The following RGS12 variants were observed in gnomAD, a reference collection of about 807,000 sequenced individuals.
The protein encoded by RGS12 is regulator of G-protein signaling 12.
Under a neutral mutation model 120.1 loss-of-function variants are expected in RGS12, and 66 were observed. The observed-to-expected ratio is 0.55, with a 90% confidence interval of 0.45 to 0.67. The LOEUF is 0.67. RGS12 is among the 30% of genes least tolerant of loss of function. RGS12 has a pLI of 0.00. For missense variants in RGS12, 1,859 were observed against 1,957.7 expected (o/e 0.95, Z 0.95); for synonymous variants, 827 against 804.7 (o/e 1.03, Z -0.47).
At chr4:3,363,532 G>A (rs1715948024) in intron 3 of RGS12, among the ~76,000 whole-genome samples, 1 of 152,012 alleles carries the variant, frequency 6.6e-6, no homozygotes, top group Non-Finnish European at 1.5e-5. Flanking sequence ...AGCGGCAAGA[G>A]GCGAGACGGA....
In RGS12 at chr4:3,317,097, G is replaced by A. The variant is rs1724824114; in HGVS notation, c.927G>A (p.Arg309=). The change falls in exon 2 of 18, where the codon CGG becomes CGA. Residue 309 remains arginine, a synonymous_variant. Transcript: ENST00000336727. ...TCAGCGCCGTGTGCCCGGACGACCG[G>A]CGATTTTTCGGGTTGGTTACCATGC... ...LAFSAVCPDD[R]RFFGLVTMQT... 2 of 1,613,782 alleles carry A rather than the reference G, an allele frequency of 1.2e-6. No individual in the cohort carries two copies. Among genetic ancestry groups the A allele is most frequent in the African/African-American group, 2.7e-5 (2 of 75,076 alleles).
intron 13 of RGS12, among the ~76,000 whole-genome samples, chr4:3,424,267 G>T (rs568535292): frequency 6.6e-6 from 1 of 152,382 alleles, no homozygotes; most frequent in Non-Finnish European, 1.5e-5. Flanking sequence ...TTCTTTCCTT[G>T]AAAACTTTAT....
intron 1 of RGS12, among the ~76,000 whole-genome samples, chr4:3,306,312 A>C (rs1440623952): frequency 6.6e-6 from 1 of 152,172 alleles, no homozygotes; most frequent in Admixed American, 6.5e-5. Context: ...GGCTGCTCAG[A>C]GGAGAGTCAG....
rs1384210703 is a variant in RGS12, at chr4:3,342,925, C to G, written c.1882-12C>G. ...AAAAGAATAACCTGATGCCTTTTTT[C>G]TTCGTGTTTAGGGCTCAAAATTTGG... On this transcript the variant is annotated splice_polypyrimidine_tract_variant and intron_variant, in intron 2 of 17. Transcript: ENST00000336727. 1 of 1,587,592 alleles carries G rather than the reference C, an allele frequency of 6.3e-7. No individual in the cohort carries two copies. The highest frequency in any genetic ancestry group is 2.2e-5 in the East Asian group (1 of 44,766).
chr4:3,339,894 G>C (rs1399998744), intron 2 of RGS12, among the ~76,000 whole-genome samples: 1 of 152,154 alleles, frequency 6.6e-6, no homozygotes, highest in Non-Finnish European at 1.5e-5. Flanking sequence ...AGCTCTGTTT[G>C]TTAGGGTTTT....
intron 4 of RGS12, among the ~76,000 whole-genome samples, chr4:3,397,075 A>G (rs1258101747): frequency 6.6e-6 from 1 of 152,214 alleles, no homozygotes; most frequent in Admixed American, 6.5e-5. Flanking sequence ...AATGACCTCT[A>G]TAAGTATCTA....
chr4:3,296,275 T>C (rs1454754215), intron 1 of RGS12, among the ~76,000 whole-genome samples: 1 of 152,140 alleles, frequency 6.6e-6, no homozygotes, highest in Non-Finnish European at 1.5e-5. Context: ...CTTGAACTCC[T>C]GGCTCAAGCC....
chr4:3,422,128 C>T lies in RGS12; in HGVS notation c.2839-248C>T, dbSNP rs558368793. Among the ~76,000 whole-genome samples, 7 of 152,142 alleles carry T rather than the reference C, an allele frequency of 4.6e-5. No individual in the cohort carries two copies. The East Asian group carries it at 1.2e-3, about 25-fold the overall frequency. ...GAAGCCCAGATGTGCCTTCTGAGCACGATGGCCCTTGAGGCCCAGAGCTGA... is the reference window on the plus strand; with the variant it reads ...GAAGCCCAGATGTGCCTTCTGAGCATGATGGCCCTTGAGGCCCAGAGCTGA... On this transcript the variant is annotated intron_variant, in intron 10 of 17. Coordinates refer to ENST00000336727, the MANE Select transcript of RGS12 (RefSeq NM_001394154.1).
At chr4:3,429,102 G>A (rs1460150793) in intron 16 of RGS12, among the ~76,000 whole-genome samples, 5 of 152,222 alleles carry the variant, frequency 3.3e-5, no homozygotes, top group African/African-American at 9.6e-5. Flanking sequence ...GGCAGAGCTG[G>A]GCACCCAGGT....
Position 3,365,915 on chromosome 4 carries a change from A to G in RGS12, c.1999-20501A>G, listed in dbSNP as rs1370409727. On this transcript the variant is annotated intron_variant, in intron 3 of 17. Transcript: ENST00000336727. The surrounding 1 kb of genome is among the most constrained non-coding windows in gnomAD (Gnocchi z 4.0). Reference sequence around the variant, plus strand: ...AGTGAATGTTTGTTGAACACCTACTATGTGCCCGACATTATTTTGGCTCTG... The same window carrying G: ...AGTGAATGTTTGTTGAACACCTACTGTGTGCCCGACATTATTTTGGCTCTG... Among the ~76,000 whole-genome samples the G allele has an allele frequency of 6.6e-6, 1 of 152,146 alleles. No individual in the cohort carries two copies. The highest frequency in any genetic ancestry group is 1.9e-4 in the East Asian group (1 of 5,188).
At chr4:3,418,218 G>T (rs1438453827) in intron 9 of RGS12, 5 of 152,306 alleles carry the variant, frequency 3.3e-5, no homozygotes, top group Admixed American at 2.6e-4. Flanking sequence ...GCCCTTGGCG[G>T]CTCCTGGCCG....
chr4:3,371,175 T>C (rs1380725826), intron 3 of RGS12, among the ~76,000 whole-genome samples: 1 of 152,222 alleles, frequency 6.6e-6, no homozygotes, highest in Non-Finnish European at 1.5e-5. Context: ...AGCATGAGCC[T>C]GATGAAATCA....
In RGS12 at chr4:3,415,992, C is replaced by A. The variant is rs1462876599; in HGVS notation, c.2298C>A (p.Ala766=). 1 of 1,610,598 alleles carries A rather than the reference C, an allele frequency of 6.2e-7. No individual in the cohort carries two copies. The highest frequency in any genetic ancestry group is 8.5e-7 in the Non-Finnish European group (1 of 1,178,674). The change falls in exon 7 of 18, where the codon GCC becomes GCA. Residue 766 remains alanine, a synonymous_variant. Transcript: ENST00000336727. ...TTTCCTGTCAGCTTTCCTACAGGGC[C>A]CGGGAGATTTTCAGTAAGTTTCTCT... is the stretch of plus-strand genomic sequence containing the variant. ...AHDKKELSYR[A]REIFSKFLCS...
intron 3 of RGS12, among the ~76,000 whole-genome samples, chr4:3,361,515 G>C (rs910472812): frequency 9.2e-5 from 14 of 152,216 alleles, no homozygotes; most frequent in African/African-American, 3.4e-4. Flanking sequence ...AAGCAAGATG[G>C]GGCCTGGGAC....
chr4:3,316,161 G>C lies in RGS12; in HGVS notation c.-10G>C. Reference sequence around the variant, plus strand: ...ATGAGACGTGCTCTTGGTCTTGGAAGCTCATCAGAATGTTTAGAGCTGGGG... The same window carrying C: ...ATGAGACGTGCTCTTGGTCTTGGAACCTCATCAGAATGTTTAGAGCTGGGG... On this transcript the variant is annotated 5_prime_UTR_variant, in exon 2 of 18. Transcript: ENST00000336727. 1 of 1,530,742 alleles carries C rather than the reference G, an allele frequency of 6.5e-7. No individual in the cohort carries two copies. Among genetic ancestry groups the C allele is most frequent in the Non-Finnish European group, 8.8e-7 (1 of 1,140,560 alleles). The allele number at this position is 1,530,742 out of a possible 1,614,324, so 94.8% of individuals were successfully genotyped here. A position where few individuals can be genotyped will look rare whatever the true frequency, so the allele number is the denominator to read the frequency against.
At chr4:3,355,557 G>A (rs1221770002) in intron 3 of RGS12, among the ~76,000 whole-genome samples, 2 of 152,134 alleles carry the variant, frequency 1.3e-5, no homozygotes, top group African/African-American at 4.8e-5. Flanking sequence ...CACTCTGGGA[G>A]GCTGAAGTGG....
chr4:3,288,504 T>C, upstream of RGS12, among the ~76,000 whole-genome samples: 1 of 152,076 alleles, frequency 6.6e-6, no homozygotes, highest in East Asian at 1.9e-4. The surrounding 1 kb of genome is among the most constrained non-coding windows in gnomAD (Gnocchi z 5.2). Context: ...GGGTGTCCCT[T>C]GAGGTGGACC....
intron 1 of RGS12, chr4:3,314,111 T>C (rs1291957375): frequency 4.6e-5 from 7 of 151,846 alleles, no homozygotes; most frequent in Non-Finnish European, 7.4e-5. Flanking sequence ...ATATTTAAAT[T>C]ATTAATACAG....
At chr4:3,405,865 T>C (rs1721062321) in intron 4 of RGS12, among the ~76,000 whole-genome samples, 1 of 152,138 alleles carries the variant, frequency 6.6e-6, no homozygotes, top group African/African-American at 2.4e-5. Flanking sequence ...GTCCCTTTTA[T>C]TATTCTTATA....
Sources: allele counts gnomAD v4.1 joint callset (sites outside exome capture counted in the v4.1 genomes callset), GRCh38; gene constraint gnomAD v4.1.1; non-coding constraint Gnocchi (gnomAD v3.1); transcripts MANE v1.5; gene names NCBI Gene and HGNC (gene_info 2026-07-23, HGNC 2026-07-21).